COL21A1: variants seen among roughly 807,000 people sequenced by gnomAD.
COL21A1 encodes the protein collagen type XXI alpha 1 chain.
Under a neutral mutation model 137.9 loss-of-function variants are expected in COL21A1, and 149 were observed. The observed-to-expected ratio is 1.08, with a 90% CI of 0.95 to 1.24. COL21A1 has a LOEUF of 1.24. Among genes scored for constraint, COL21A1 ranks in the 50% most tolerant of loss-of-function variants. The probability of loss-of-function intolerance (pLI) is 0.00; values close to 1 mark genes in which losing one functional copy is unlikely to be tolerated. For missense variants in COL21A1, 1,167 were observed against 1,158.4 expected (o/e 1.01, Z -0.11); for synonymous variants, 456 against 391.5 (o/e 1.16, Z -1.95).
chr6:56,085,259 T>C (rs1163550103), intron 17 of COL21A1, among the ~76,000 whole-genome samples: 1 of 152,090 alleles, frequency 6.6e-6, no homozygotes, highest in Admixed American at 6.6e-5. Flanking sequence ...ATAAAACTAA[T>C]AAATTTAAGT....
rs566908509 is a variant in COL21A1, at chr6:56,320,199, C to T, written c.-39+73772G>A. ...GAAGGTCCAAAACCCTAAAGTCATA[C>T]TTGACTCCTTTCTTCCCCTAATACC... On this transcript the variant is annotated intron_variant, in intron 1 of 28. Coordinates refer to the COL21A1 transcript ENST00000370819. Among the ~76,000 whole-genome samples the T allele has an allele frequency of 1.1e-4, 17 of 152,230 alleles. No individual in the cohort carries two copies. The South Asian group carries it at 3.5e-3, about 32-fold the overall frequency.
chr6:56,388,101 T>C (rs916861471), intron 1 of COL21A1, among the ~76,000 whole-genome samples: 2 of 152,170 alleles, frequency 1.3e-5, no homozygotes, highest in African/African-American at 4.8e-5. Context: ...ACCAAGCAGA[T>C]TCCCAAAGCC....
intron 16 of COL21A1, among the ~76,000 whole-genome samples, chr6:56,112,683 T>TTC (rs1229556201): frequency 9.4e-5 from 13 of 138,626 alleles, no homozygotes; most frequent in African/African-American, 3.5e-4. Context: ...TTCTTTTCTT[T>TTC]TTTCTTTTTT....
chr6:56,232,435 A>G (rs1781625125), intron 1 of COL21A1, among the ~76,000 whole-genome samples: 1 of 151,906 alleles, frequency 6.6e-6, no homozygotes, highest in South Asian at 2.1e-4. Flanking sequence ...ACAGATCTCT[A>G]AAAGGGGTTA....
chr6:56,323,391 GTTTA>G (rs147104849), intron 1 of COL21A1, among the ~76,000 whole-genome samples: 1,831 of 152,084 alleles, frequency 0.012, 31 homozygotes, highest in African/African-American at 0.042. Context: ...TGTTTTGTTT[GTTTA>G]TTTGTTTGTT....
rs756675729 is a variant in COL21A1, at chr6:56,164,509, A to T, written c.1288-3T>A. The T allele has an allele frequency of 9.5e-6, 15 of 1,572,034 alleles. No homozygotes were observed. The African/African-American group carries it at 1.3e-4, about 14-fold the overall frequency. On this transcript the variant is annotated splice_polypyrimidine_tract_variant and splice_region_variant and intron_variant, in intron 8 of 29. Transcript: ENST00000244728. ...ACATCACTGGGACCATTAAGGCACT[A>T]TAAAGACAAAAATGGAAACAGACAA... is the stretch of plus-strand genomic sequence containing the variant.
intron 14 of COL21A1, among the ~76,000 whole-genome samples, chr6:56,124,736 G>A (rs1035912673): frequency 6.6e-6 from 1 of 151,978 alleles, no homozygotes; most frequent in Non-Finnish European, 1.5e-5. Context: ...CCGCCTCCCG[G>A]GTTCACGCCA....
intron 1 of COL21A1, among the ~76,000 whole-genome samples, chr6:56,270,825 A>C (rs2152332386): frequency 6.6e-6 from 1 of 152,284 alleles, no homozygotes; most frequent in East Asian, 1.9e-4. Flanking sequence ...CACCTCATGA[A>C]GAAGGTGCCT....
rs1248789128 is a variant in COL21A1 at position 56,306,226 on chromosome 6, G to A, written c.-39+87745C>T. On this transcript the variant is annotated intron_variant, in intron 1 of 28. Transcript: ENST00000370819. ...TATGTGTCTTGGAGTTGCTCTTCTC[G>A]AGGAGTATCTTTGTGGAGTTCTCTG... Among the ~76,000 whole-genome samples, 22 of 140,670 alleles carry A rather than the reference G, an allele frequency of 1.6e-4. No homozygotes were observed. The South Asian group carries it at 1.6e-3, about 10-fold the overall frequency. The allele number at this position is 140,670 out of a possible 152,430, so 92.3% of individuals were successfully genotyped here.
intron 21 of COL21A1, among the ~76,000 whole-genome samples, chr6:56,069,447 T>C (rs903934538): frequency 1.3e-5 from 2 of 151,266 alleles, no homozygotes; most frequent in African/African-American, 4.8e-5. Context: ...ATCTCTTTTT[T>C]GTTTACCTAT....
intron 21 of COL21A1, 75 bp downstream of exon 21, chr6:56,070,670 G>A: frequency 9.9e-7 from 1 of 1,008,376 alleles, no homozygotes; most frequent in Non-Finnish European, 1.5e-6. Context: ...GATATAAAAT[G>A]TTAATTTTCT....
At chr6:56,226,685 T>C (rs929902461) in intron 1 of COL21A1, among the ~76,000 whole-genome samples, 11 of 152,124 alleles carry the variant, frequency 7.2e-5, no homozygotes, top group Middle Eastern at 3.4e-3. Context: ...GATGGTGTTG[T>C]TTGGTTTGCT....
chr6:56,376,114 A>T (rs1037347080), intron 1 of COL21A1, among the ~76,000 whole-genome samples: 13 of 152,216 alleles, frequency 8.5e-5, no homozygotes, highest in Non-Finnish European at 1.9e-4. Flanking sequence ...GTGGGATAAA[A>T]CAAGTAGAGT....
chr6:56,325,046 C>G (rs1470789670), intron 1 of COL21A1, among the ~76,000 whole-genome samples: 1 of 150,452 alleles, frequency 6.6e-6, no homozygotes, highest in African/African-American at 2.4e-5. Flanking sequence ...TTGCGCTATC[C>G]TGTTTCTCCA....
At chr6:56,220,076 C>T (rs1330268187) in intron 1 of COL21A1, among the ~76,000 whole-genome samples, 3 of 152,192 alleles carry the variant, frequency 2.0e-5, no homozygotes, top group Middle Eastern at 6.8e-3. Context: ...CATTGAAGCT[C>T]AATCAATATT....
At chr6:56,337,961 CTT>C (rs200998969) in intron 1 of COL21A1, among the ~76,000 whole-genome samples, 2,121 of 90,766 alleles carry the variant, frequency 0.023, 26 homozygotes, top group African/African-American at 0.059. Flanking sequence ...CTTTTCTTTT[CTT>C]TTTTTTTTTT....
intron 18 of COL21A1, among the ~76,000 whole-genome samples, 171 bp downstream of exon 18, chr6:56,077,358 C>T (rs1767331724): frequency 6.6e-6 from 1 of 151,204 alleles, no homozygotes; most frequent in African/African-American, 2.4e-5. Flanking sequence ...CTATATAAAA[C>T]AACCACAAAA....
At chr6:56,372,242 A>C (rs1389355187) in intron 1 of COL21A1, among the ~76,000 whole-genome samples, 1 of 152,242 alleles carries the variant, frequency 6.6e-6, no homozygotes, top group Non-Finnish European at 1.5e-5. Flanking sequence ...GCAACTGGAC[A>C]TAGAGCATGG....
intron 1 of COL21A1, among the ~76,000 whole-genome samples, chr6:56,375,388 G>T (rs1329573521): frequency 6.6e-6 from 1 of 152,126 alleles, no homozygotes; most frequent in Non-Finnish European, 1.5e-5. Context: ...CCAGTGGTAG[G>T]CACCCGTGGA....
Sources: allele counts gnomAD v4.1 joint callset (sites outside exome capture counted in the v4.1 genomes callset), GRCh38; gene constraint gnomAD v4.1.1; transcripts MANE v1.5; gene names NCBI Gene and HGNC (gene_info 2026-07-23, HGNC 2026-07-21).